The following AFF2 variants were observed in gnomAD, a reference collection of about 807,000 sequenced individuals.
The protein encoded by AFF2 is ALF transcription elongation factor 2, also known as AF4/FMR2 family member 2.
Under a neutral mutation model 76.9 loss-of-function variants are expected in AFF2, and 14 were observed. The observed-to-expected ratio is 0.18, with a 90% CI of 0.12 to 0.28. The LOEUF (loss-of-function observed/expected upper bound fraction) is 0.28. AFF2 is among the 10% of genes least tolerant of loss of function. The pLI, the probability that AFF2 is intolerant of heterozygous loss-of-function variation, is 1.00. For synonymous variants in AFF2, 398 were observed against 366.7 expected (o/e 1.09, Z -0.98); for missense variants, 868 against 1,001.1 (o/e 0.87, Z 1.79).
chrX:148,925,208 A>C (rs1176860676), intron 9 of AFF2, among the ~76,000 whole-genome samples: 4 of 112,188 alleles, frequency 3.6e-5, no homozygotes, highest in African/African-American at 9.7e-5. Context: ...GGATAAACTT[A>C]AGAATATTCA....
intron 1 of AFF2, among the ~76,000 whole-genome samples, chrX:148,602,126 G>C (rs1557248148): frequency 8.9e-6 from 1 of 111,847 alleles, no homozygotes; most frequent in Non-Finnish European, 1.9e-5. Context: ...TAAAAAGAGA[G>C]CTTGGAGAAA....
At position 148,998,384 on chromosome X, in the gene AFF2, A is replaced by G. The variant is rs781864310; in HGVS notation, c.*7052A>G. 1.8e-5 allele frequency: 2 copies of G among 112,623 alleles called. No individual in the cohort carries two copies. Among genetic ancestry groups the G allele is most frequent in the African/African-American group, 3.2e-5 (1 of 30,949 alleles). The allele number at this position is 112,623 out of a possible 1,213,427, so 9.3% of individuals were successfully genotyped here. ...AATTGTACTTGTTCATACTTTCAAA[A>G]CATAACAGATTAATAAAAATAGATG... is the stretch of plus-strand genomic sequence containing the variant. On this transcript the variant is annotated 3_prime_UTR_variant, in exon 21 of 21. Transcript: ENST00000370460.
intron 9 of AFF2, among the ~76,000 whole-genome samples, chrX:148,925,812 G>A (rs782762151): frequency 9.0e-6 from 1 of 111,501 alleles, no homozygotes; most frequent in South Asian, 3.8e-4. Context: ...GCAAGCCTTC[G>A]GTATGGTGTT....
At chrX:148,768,776 ATGTTTTTGTTCAT>A (rs1487484336) in intron 3 of AFF2, among the ~76,000 whole-genome samples, 2 of 111,822 alleles carry the variant, frequency 1.8e-5, no homozygotes, top group Non-Finnish European at 1.9e-5. Flanking sequence ...TTATGAGGAC[ATGTTTTTGTTCAT>A]TGTTTTTCTC....
intron 13 of AFF2, among the ~76,000 whole-genome samples, chrX:148,963,966 T>C (rs1300085017): frequency 8.9e-6 from 1 of 112,528 alleles, no homozygotes; most frequent in Non-Finnish European, 1.9e-5. Flanking sequence ...CACATTTATA[T>C]CAGTGAGATC....
At position 149,000,138 on chromosome X, in the gene AFF2, A is replaced by C. The variant is rs781902296; in HGVS notation, c.*8806A>C. 8.9e-6 allele frequency: 1 copy of C among 112,218 alleles called. No homozygotes were observed. The highest frequency in any genetic ancestry group is 3.8e-4 in the South Asian group (1 of 2,659). 9.2% of individuals were successfully genotyped at this position (112,218 alleles called of 1,213,427 possible). ...TTCCCCAAGGGCACCCCAGGTGGCC[A>C]TTAAATTGTGATGATCATTCAGAAA... On this transcript the variant is annotated 3_prime_UTR_variant, in exon 21 of 21. Transcript: ENST00000370460.
chrX:148,706,841 G>C (rs1199223153), intron 3 of AFF2, among the ~76,000 whole-genome samples: 9 of 112,596 alleles, frequency 8.0e-5, no homozygotes, highest in African/African-American at 2.9e-4. Flanking sequence ...TTTTGACTGA[G>C]TTGTGCCTAA....
At chrX:148,829,259 A>C (rs781851947) in intron 4 of AFF2, among the ~76,000 whole-genome samples, 3 of 112,276 alleles carry the variant, frequency 2.7e-5, no homozygotes. Flanking sequence ...TTGATTTTAC[A>C]CTTCCTCTCT....
At position 148,967,667 on chromosome X, in the gene AFF2, A is replaced by G. The variant is rs782751891; in HGVS notation, c.3242A>G (p.Lys1081Arg). 4 of 1,210,652 alleles carry G rather than the reference A, an allele frequency of 3.3e-6. No homozygotes were observed. The highest frequency in any genetic ancestry group is 3.4e-6 in the Non-Finnish European group (3 of 894,497). Reference sequence around the variant, plus strand: ...GATTATTACATGCAAGAAGCTAAGAAGCTGAAGCACAAAGCTGATGCACTG... The same window carrying G: ...GATTATTACATGCAAGAAGCTAAGAGGCTGAAGCACAAAGCTGATGCACTG... ...NADYYMQEAK[K>R]LKHKADALFE... Residue 1081 changes from lysine to arginine, a missense_variant, in exon 15 of 21, where the codon AAG becomes AGG. By Grantham distance (26) the Lys-to-Arg change is conservative (BLOSUM62 2). Transcript: ENST00000370460.
At position 148,750,548 on chromosome X, in the gene AFF2, T is replaced by TA. The variant is rs2055485265; in HGVS notation, c.1042-59327dup. 3.6e-5 allele frequency among the ~76,000 whole-genome samples: 4 copies of TA among 111,321 alleles called. No homozygotes were observed. The Admixed American group carries it at 3.8e-4, about 11-fold the overall frequency. On this transcript the variant is annotated intron_variant, in intron 3 of 20. Transcript: ENST00000370460. Reference sequence around the variant, plus strand: ...GTCATTCTCTTATCCAGTCATTTCTTACTGTGCCATCTCTCCCAGACTGCT... The same window carrying TA: ...GTCATTCTCTTATCCAGTCATTTCTTAACTGTGCCATCTCTCCCAGACTGCT...
chrX:148,880,256 C>A (rs2071082264), intron 7 of AFF2, among the ~76,000 whole-genome samples: 1 of 111,720 alleles, frequency 9.0e-6, no homozygotes, highest in African/African-American at 3.3e-5. Flanking sequence ...ACAGCCTGAG[C>A]ACCTTTACTG....
chrX:148,836,904 T>C (rs2070533371), intron 4 of AFF2, among the ~76,000 whole-genome samples: 2 of 112,135 alleles, frequency 1.8e-5, no homozygotes, highest in African/African-American at 6.5e-5. Flanking sequence ...TGTGTATGGC[T>C]GTGTGGAACC....
At chrX:148,568,373 T>C (rs1419794263) in intron 1 of AFF2, among the ~76,000 whole-genome samples, 9 of 112,277 alleles carry the variant, frequency 8.0e-5, no homozygotes, top group Admixed American at 3.8e-4. Context: ...GAATTAAATG[T>C]ATCTTTTAAA....
chrX:148,956,339 GCAA>G lies in AFF2; in HGVS notation c.2302_2304del (p.Asn768del), dbSNP rs782696162. 72 of 1,210,125 alleles carry G rather than the reference GCAA, an allele frequency of 5.9e-5. No individual in the cohort carries two copies. Among genetic ancestry groups the G allele is most frequent in the Non-Finnish European group, 7.3e-5 (65 of 895,308 alleles). On this transcript the variant is annotated inframe_deletion, in exon 11 of 21. Transcript: ENST00000370460. Reference sequence around the variant, plus strand: ...AGCACCTTAATGAGTAGCAGTGGCAGCAACAACAACTTATCCATCAGTAATGAA... The same window carrying G: ...AGCACCTTAATGAGTAGCAGTGGCAGCAACAACTTATCCATCAGTAATGAA...
intron 9 of AFF2, among the ~76,000 whole-genome samples, chrX:148,944,429 T>C (rs782194794): frequency 8.9e-6 from 1 of 111,864 alleles, no homozygotes; most frequent in South Asian, 3.8e-4. Flanking sequence ...TTCTCAGCTT[T>C]GCAGAGGCCA....
intron 3 of AFF2, among the ~76,000 whole-genome samples, chrX:148,743,205 T>C (rs1328775215): frequency 1.8e-5 from 2 of 112,307 alleles, no homozygotes; most frequent in African/African-American, 6.5e-5. Context: ...GGTATTACAT[T>C]ATAATGCTCT....
At chrX:148,565,153 TTG>T (rs2053155063) in intron 1 of AFF2, among the ~76,000 whole-genome samples, 1 of 111,968 alleles carries the variant, frequency 8.9e-6, no homozygotes, top group South Asian at 3.7e-4. Flanking sequence ...GTAGTTGGCT[TTG>T]TGACTGCAGC....
At chrX:148,734,735 T>C (rs1330019383) in intron 3 of AFF2, among the ~76,000 whole-genome samples, 1 of 112,226 alleles carries the variant, frequency 8.9e-6, no homozygotes, top group Non-Finnish European at 1.9e-5. Flanking sequence ...ACAGAGGCAG[T>C]GAAACCCAAT....
intron 1 of AFF2, among the ~76,000 whole-genome samples, chrX:148,513,450 A>G (rs1370847942): frequency 1.8e-5 from 2 of 111,869 alleles, no homozygotes; most frequent in Admixed American, 9.5e-5. Flanking sequence ...CATTGCCTTA[A>G]TGGAGGACGG....
Sources: gnomAD v4.1 joint callset for allele counts (sites outside exome capture counted in the v4.1 genomes callset) on GRCh38, gnomAD v4.1.1 for gene constraint, MANE v1.5 for transcripts, NCBI Gene and HGNC (gene_info 2026-07-23, HGNC 2026-07-21) for gene names.